STK10: variants seen among roughly 807,000 people sequenced by gnomAD.
The protein encoded by STK10 is serine/threonine kinase 10.
Under a neutral mutation model 113.8 loss-of-function variants are expected in STK10, and 78 were observed. That is an observed-to-expected ratio of 0.69 (90% CI 0.57 to 0.83). The LOEUF (loss-of-function observed/expected upper bound fraction) is 0.83, where lower values mean the gene tolerates loss of function less well. Among genes scored for constraint, STK10 ranks in the 40% least tolerant of loss-of-function variants. The probability of loss-of-function intolerance (pLI) is 0.00; values close to 1 mark genes in which losing one functional copy is unlikely to be tolerated. For missense variants in STK10, 1,109 were observed against 1,280.1 expected, an observed-to-expected ratio of 0.87 and a Z score of 2.04; for synonymous variants, 465 against 494.7, an observed-to-expected ratio of 0.94 and a Z score of 0.80.
Position 172,065,292 on chromosome 5 carries a change from C to CTT in STK10, c.1990-482_1990-481dup, listed in dbSNP as rs535856789. Among the ~76,000 whole-genome samples, 526 of 123,150 alleles carry CTT rather than the reference C, an allele frequency of 4.3e-3. 11 individuals carry two copies. The highest frequency in any genetic ancestry group is 0.019 in the East Asian group (79 of 4,232). The allele number at this position is 123,150 out of a possible 152,430, so 80.8% of individuals were successfully genotyped here. On this transcript the variant is annotated intron_variant, in intron 12 of 18. Transcript: ENST00000176763. ...TAACACTAGCCGGGCTGAAAATGCA[C>CTT]TTTTTTTTTTTTTTTTTTTTGAGAT...
At chr5:172,112,161 A>G (rs1363468098) in intron 4 of STK10, among the ~76,000 whole-genome samples, 1 of 152,246 alleles carries the variant, frequency 6.6e-6, no homozygotes, top group Non-Finnish European at 1.5e-5. Flanking sequence ...ATACATTAAT[A>G]CATGTCCCAA....
chr5:172,127,326 AACGAGTCGTCTGGTCCCG>A (rs1769643237), intron 3 of STK10, 29 bp downstream of exon 3: 6 of 1,609,382 alleles, frequency 3.7e-6, no homozygotes, highest in Non-Finnish European at 4.2e-6. Context: ...TAGGACTCCA[AACGAGTCGTCTGGTCCCG>A]ACAATGCACC....
At chr5:172,054,727 A>T (rs773996941) in intron 16 of STK10, 33 bp from the exon 17 acceptor site, 1 of 1,604,326 alleles carries the variant, frequency 6.2e-7, no homozygotes, top group Non-Finnish European at 8.5e-7. Context: ...GCCTCAGGGG[A>T]CCAGGGCCTG....
At chr5:172,060,059 A>G (rs987777200) in intron 14 of STK10, among the ~76,000 whole-genome samples, 4 of 152,076 alleles carry the variant, frequency 2.6e-5, no homozygotes, top group African/African-American at 9.7e-5. Context: ...TTGGGAGGTG[A>G]TTAGGTCATG....
intron 2 of STK10, among the ~76,000 whole-genome samples, chr5:172,153,491 T>C (rs1283057661): frequency 2.6e-5 from 4 of 152,196 alleles, no homozygotes; most frequent in East Asian, 1.9e-4. Flanking sequence ...AATGAGCTAA[T>C]CTTGTCAAAT....
chr5:172,101,188 TG>T (rs1375869977), intron 7 of STK10, among the ~76,000 whole-genome samples: 2 of 152,034 alleles, frequency 1.3e-5, no homozygotes, highest in African/African-American at 4.8e-5. Context: ...AAGTCAATTT[TG>T]GCCAGGCGTG....
chr5:172,127,571 G>A (rs1769652059), intron 2 of STK10, 150 bp from the exon 3 acceptor site: 14 of 732,732 alleles, frequency 1.9e-5, no homozygotes, highest in Middle Eastern at 3.2e-4. Context: ...TTGGGAGCCC[G>A]TCCCCCTCCC....
At chr5:172,060,432 C>T (rs2113701248) in intron 14 of STK10, among the ~76,000 whole-genome samples, 1 of 152,116 alleles carries the variant, frequency 6.6e-6, no homozygotes, top group South Asian at 2.1e-4. Context: ...AAACAAAAAT[C>T]CCCAAAACCC....
rs186038277 is a variant in STK10, at chr5:172,042,137, C to T, written c.*2745G>A. The T allele has an allele frequency of 6.6e-6, 1 of 152,538 alleles. No homozygotes were observed. The highest frequency in any genetic ancestry group is 6.5e-5 in the Admixed American group (1 of 15,278). The allele number at this position is 152,538 out of a possible 1,614,324, so 9.4% of individuals were successfully genotyped here. ...TTCTTGTAGTTAACTTTCCAGAGAA[C>T]ATTTTACAAAAATTTTGTATAAAGT... is the stretch of plus-strand genomic sequence containing the variant. On this transcript the variant is annotated 3_prime_UTR_variant, in exon 19 of 19. Coordinates refer to ENST00000176763, the MANE Select transcript of STK10 (RefSeq NM_005990.4).
intron 1 of STK10, among the ~76,000 whole-genome samples, chr5:172,177,538 A>G (rs1483390807): frequency 1.3e-5 from 2 of 152,194 alleles, no homozygotes; most frequent in African/African-American, 2.4e-5. Context: ...CACTAGCCAC[A>G]TGTCACTATC....
Position 172,042,601 on chromosome 5 carries a change from T to C in STK10, c.*2281A>G, listed in dbSNP as rs947702220. On this transcript the variant is annotated 3_prime_UTR_variant, in exon 19 of 19. Coordinates refer to ENST00000176763, the MANE Select transcript of STK10 (RefSeq NM_005990.4). The stretch of plus-strand genomic sequence containing the variant: ...GCCCAAAGCAGCCCTGTCTGGTGGT[T>C]CCCAACGCTGGCCTGGCCTGGTAGA... 2 of 152,268 alleles carry C rather than the reference T, an allele frequency of 1.3e-5. No individual in the cohort carries two copies. Among genetic ancestry groups the C allele is most frequent in the African/African-American group, 4.8e-5 (2 of 41,458 alleles). The allele number at this position is 152,268 out of a possible 1,614,324, so 9.4% of individuals were successfully genotyped here.
chr5:172,056,956 A>AGG (rs1767797233), intron 15 of STK10: 1 of 70,274 alleles, frequency 1.4e-5, no homozygotes, highest in South Asian at 4.8e-4. Flanking sequence ...AGAAAGAAGG[A>AGG]AAGAAAGAAA....
chr5:172,064,085 T>C (rs1176651137), intron 13 of STK10, among the ~76,000 whole-genome samples: 1 of 151,916 alleles, frequency 6.6e-6, no homozygotes, highest in Admixed American at 6.6e-5. Flanking sequence ...GAATTCACAT[T>C]GATCACACGC....
intron 1 of STK10, among the ~76,000 whole-genome samples, chr5:172,180,895 C>G (rs1770843308): frequency 6.6e-6 from 1 of 152,310 alleles, no homozygotes; most frequent in Non-Finnish European, 1.5e-5. Context: ...TATTTTGAAC[C>G]TGCCAACTTT....
Position 172,163,171 on chromosome 5 carries a change from G to C in STK10, c.157-6383C>G, listed in dbSNP as rs143176748. ...TGACTGAGCACTCTCTGTGTTCCAG[G>C]ACAGGACTTAAACGGAATTTCTCAC... On this transcript the variant is annotated intron_variant, in intron 1 of 18. Coordinates refer to ENST00000176763, the MANE Select transcript of STK10 (RefSeq NM_005990.4). Among the ~76,000 whole-genome samples the C allele has an allele frequency of 3.3e-5, 5 of 152,320 alleles. No homozygotes were observed. In the East Asian group the frequency reaches 9.6e-4, roughly 29 times the overall value.
At chr5:172,125,698 T>G (rs1252117518) in intron 3 of STK10, among the ~76,000 whole-genome samples, 7 of 152,222 alleles carry the variant, frequency 4.6e-5, no homozygotes, top group Non-Finnish European at 7.3e-5. Context: ...CTGCTCATAA[T>G]TGTTACAGCT....
At chr5:172,142,603 T>C (rs905615522) in intron 2 of STK10, among the ~76,000 whole-genome samples, 3 of 146,264 alleles carry the variant, frequency 2.1e-5, no homozygotes, top group Admixed American at 6.8e-5. Flanking sequence ...CTATTTGAGG[T>C]AGGTATCCTA....
At chr5:172,094,137 A>T (rs77586605) in intron 8 of STK10, among the ~76,000 whole-genome samples, 177 bp from the exon 9 acceptor site, 1 of 151,976 alleles carries the variant, frequency 6.6e-6, no homozygotes, top group Non-Finnish European at 1.5e-5. Context: ...ACCGTAATAC[A>T]ATTACTACTT....
chr5:172,100,704 T>C (rs1768970637), intron 7 of STK10, among the ~76,000 whole-genome samples: 1 of 151,966 alleles, frequency 6.6e-6, no homozygotes, highest in Non-Finnish European at 1.5e-5. Flanking sequence ...AGAGAATCGC[T>C]TGAACCCAGG....
Sources: allele counts gnomAD v4.1 joint callset (sites outside exome capture counted in the v4.1 genomes callset), GRCh38; gene constraint gnomAD v4.1.1; transcripts MANE v1.5; gene names NCBI Gene and HGNC (gene_info 2026-07-23, HGNC 2026-07-21).